SMURF1: variants seen among roughly 807,000 people sequenced by gnomAD.
SMURF1 encodes the protein E3 ubiquitin-protein ligase SMURF1.
In SMURF1, 44 loss-of-function variants were observed where a neutral mutation model predicts 98.0. The observed-to-expected ratio is 0.45, with a 90% CI of 0.35 to 0.58. The LOEUF (loss-of-function observed/expected upper bound fraction) is 0.58, where lower values mean the gene tolerates loss of function less well. Among genes scored for constraint, SMURF1 ranks in the 20% least tolerant of loss-of-function variants. The pLI is 0.00. For synonymous variants in SMURF1, 396 were observed against 374.9 expected (o/e 1.06, Z -0.65); for missense variants, 687 against 938.4 (o/e 0.73, Z 3.50).
chr7:99,072,874 T>C (rs1796359229), intron 1 of SMURF1, among the ~76,000 whole-genome samples: 1 of 152,204 alleles, frequency 6.6e-6, no homozygotes, highest in Non-Finnish European at 1.5e-5. Context: ...TTATAATTAT[T>C]TGGCTAATCA....
intron 1 of SMURF1, among the ~76,000 whole-genome samples, chr7:99,121,538 G>A (rs551463253): frequency 6.6e-6 from 1 of 152,056 alleles, no homozygotes; most frequent in Non-Finnish European, 1.5e-5. Context: ...TTTAACACTC[G>A]CATCCTCCTC....
chr7:99,031,234 C>T (rs1794873108), intron 17 of SMURF1: 1 of 152,268 alleles, frequency 6.6e-6, no homozygotes, highest in Non-Finnish European at 1.5e-5. Context: ...GAGACCAAAA[C>T]AGGGCAGTCT....
At chr7:99,030,752 C>T in intron 17 of SMURF1, 69 bp from the exon 18 acceptor site, 1 of 1,248,908 alleles carries the variant, frequency 8.0e-7, no homozygotes, top group Non-Finnish European at 1.2e-6. Context: ...AGGCCAAGGA[C>T]AGGCAGTGAG....
Position 99,040,323 on chromosome 7 carries a change from G to A in SMURF1, c.1550+55C>T, listed in dbSNP as rs146555694. ...CGCGCGCGCGCACGCGCATACATACGATAGACGTGGTGGTGGGCCCTAAGC... is the reference window on the plus strand; with the variant it reads ...CGCGCGCGCGCACGCGCATACATACAATAGACGTGGTGGTGGGCCCTAAGC... On this transcript the variant is annotated intron_variant, in intron 13 of 17. Transcript: ENST00000361368. 2.3e-4 allele frequency: 329 copies of A among 1,411,492 alleles called. 2 individuals carry two copies. The highest frequency in any genetic ancestry group is 1.7e-3 in the South Asian group (100 of 58,576). The allele number at this position is 1,411,492 out of a possible 1,614,324, so 87.4% of individuals were successfully genotyped here. A position where few individuals can be genotyped will look rare whatever the true frequency, so the allele number is the denominator to read the frequency against.
chr7:99,114,934 T>G (rs1023295009), intron 1 of SMURF1, among the ~76,000 whole-genome samples: 1 of 151,886 alleles, frequency 6.6e-6, no homozygotes, highest in African/African-American at 2.4e-5. Flanking sequence ...GAAAATACTT[T>G]GAGAAGAATG....
At position 99,040,525 on chromosome 7, in the gene SMURF1, C is replaced by A; in HGVS notation, c.1403G>T (p.Arg468Leu). 6.6e-7 allele frequency: 1 copy of A among 1,513,258 alleles called. No homozygotes were observed. 93.7% of individuals were successfully genotyped at this position (1,513,258 alleles called of 1,614,324 possible). A position where few individuals can be genotyped will look rare whatever the true frequency, so the allele number is the denominator to read the frequency against. The part of the protein sequence containing the change: ...DHLSYFHFVG[R>L]IMGLAVFHGH... ...ATGGAACACAGCCAGCCCCATGATC[C>A]GCCCCACAAAGTGGAAATAAGACAA... The change falls in exon 13 of 18, where the codon CGG (arginine) becomes CTG (leucine). Residue 468 changes from arginine (R) to leucine (L), a missense_variant. This residue lies in a region of SMURF1 where 272 missense variants were observed against 430.0 expected (regional missense o/e 0.63). Transcript: ENST00000361368.
At chr7:99,037,816 G>A (rs562701268) in intron 14 of SMURF1, among the ~76,000 whole-genome samples, 67 of 152,318 alleles carry the variant, frequency 4.4e-4, no homozygotes, top group Non-Finnish European at 5.1e-4. Context: ...CTTGGGAGGC[G>A]GAAGCAAGAG....
intron 17 of SMURF1, chr7:99,032,782 T>TG: frequency 1.9e-6 from 1 of 512,820 alleles, no homozygotes. Context: ...AGGTATTTTT[T>TG]TACATGGCCA....
chr7:99,049,807 T>C, intron 8 of SMURF1, 98 bp from the exon 9 acceptor site: 1 of 1,220,590 alleles, frequency 8.2e-7, no homozygotes, highest in Non-Finnish European at 1.1e-6. Context: ...CTTATCAAGG[T>C]GTCTGTGTCC....
At chr7:99,139,864 C>G (rs1426261528) in intron 1 of SMURF1, among the ~76,000 whole-genome samples, 1 of 152,140 alleles carries the variant, frequency 6.6e-6, no homozygotes, top group Non-Finnish European at 1.5e-5. Context: ...CAACATATTA[C>G]CCAACAGTTT....
chr7:99,083,660 A>G (rs1796615820), intron 1 of SMURF1, among the ~76,000 whole-genome samples: 1 of 152,224 alleles, frequency 6.6e-6, no homozygotes, highest in Non-Finnish European at 1.5e-5. Flanking sequence ...TTCTTAATAC[A>G]TTATTAAAAT....
chr7:99,143,683 C>T (rs774017772), intron 1 of SMURF1, 43 bp downstream of exon 1: 1 of 1,503,118 alleles, frequency 6.7e-7, no homozygotes, highest in Non-Finnish European at 8.9e-7. Flanking sequence ...CCGGGGCGGG[C>T]GAGGGGGCGC....
At chr7:99,130,618 T>C (rs1194983388) in intron 1 of SMURF1, among the ~76,000 whole-genome samples, 2 of 152,252 alleles carry the variant, frequency 1.3e-5, no homozygotes, top group Admixed American at 6.5e-5. Flanking sequence ...TTTTGCTTCA[T>C]ACTACCACAA....
intron 1 of SMURF1, among the ~76,000 whole-genome samples, chr7:99,080,461 G>T (rs562252830): frequency 6.6e-6 from 1 of 152,134 alleles, no homozygotes; most frequent in East Asian, 1.9e-4. Flanking sequence ...CACTACACCC[G>T]GCTAACTTTG....
chr7:99,036,056 G>C (rs527417062), intron 15 of SMURF1: 1 of 349,570 alleles, frequency 2.9e-6, no homozygotes, highest in South Asian at 2.6e-5. Flanking sequence ...CATGAATAAC[G>C]GCACGTCCCA....
intron 1 of SMURF1, among the ~76,000 whole-genome samples, chr7:99,100,772 A>C (rs1266171935): frequency 6.6e-6 from 1 of 152,258 alleles, no homozygotes; most frequent in Non-Finnish European, 1.5e-5. Flanking sequence ...GACTTAAAAC[A>C]GAAGACTAGA....
intron 1 of SMURF1, among the ~76,000 whole-genome samples, chr7:99,065,302 G>T (rs1469650737): frequency 6.6e-6 from 1 of 151,982 alleles, no homozygotes; most frequent in South Asian, 2.1e-4. Flanking sequence ...TGCCCAGGCG[G>T]GTCTGAAACT....
intron 1 of SMURF1, among the ~76,000 whole-genome samples, chr7:99,086,916 G>T (rs991308350): frequency 1.3e-5 from 2 of 152,210 alleles, no homozygotes; most frequent in Non-Finnish European, 2.9e-5. Context: ...AGAATAAGCG[G>T]AATAGGGAGT....
intron 1 of SMURF1, among the ~76,000 whole-genome samples, chr7:99,123,673 C>A (rs1019322159): frequency 1.3e-5 from 2 of 152,130 alleles, no homozygotes; most frequent in African/African-American, 4.8e-5. Context: ...CCCCTCCATG[C>A]CACAGCCCTT....
Sources: gnomAD v4.1 joint callset for allele counts (sites outside exome capture counted in the v4.1 genomes callset) on GRCh38, gnomAD v4.1.1 for gene constraint, gnomAD v4.1.1 regional missense constraint, MANE v1.5 for transcripts, NCBI Gene and HGNC (gene_info 2026-07-23, HGNC 2026-07-21) for gene names.